MTG1: variants seen among roughly 807,000 people sequenced by gnomAD.
The protein encoded by MTG1 is mitochondrial ribosome-associated GTPase 1.
A neutral mutation model predicts 39.5 loss-of-function variants in MTG1; 30 were observed. That is an observed-to-expected ratio of 0.76 (90% CI 0.57 to 1.03). The LOEUF (loss-of-function observed/expected upper bound fraction) is 1.03. MTG1 is among the 50% of genes least tolerant of loss of function. The pLI, the probability that MTG1 is intolerant of heterozygous loss-of-function variation, is 0.00. For synonymous variants in MTG1, 217 were observed against 179.0 expected, an observed-to-expected ratio of 1.21 and a Z score of -1.69; for missense variants, 513 against 447.4, an observed-to-expected ratio of 1.15 and a Z score of -1.32.
rs1486101412 is a variant in MTG1 at position 133,416,562 on chromosome 10, C to G, written c.753-2918C>G. ...ATGCTATCCCTCCCCCCTCCCCCCA[C>G]CCCACAACAGTCCCAGGTGTGTGAT... On this transcript the variant is annotated intron_variant, in intron 9 of 10. Coordinates refer to ENST00000317502, the MANE Select transcript of MTG1 (RefSeq NM_138384.4). 7.0e-3 allele frequency among the ~76,000 whole-genome samples: 754 copies of G among 107,630 alleles called. 11 individuals are homozygous for G. The highest frequency in any genetic ancestry group is 0.028 in the Middle Eastern group (4 of 142). The allele number at this position is 107,630 out of a possible 152,430, so 70.6% of individuals were successfully genotyped here.
Position 133,402,591 on chromosome 10 carries a change from G to A in MTG1, c.671-101G>A. 1.8e-6 allele frequency: 2 copies of A among 1,090,422 alleles called. No homozygotes were observed. Among genetic ancestry groups the A allele is most frequent in the Non-Finnish European group, 2.7e-6 (2 of 747,922 alleles). 67.5% of individuals were successfully genotyped at this position (1,090,422 alleles called of 1,614,324 possible). On this transcript the variant is annotated intron_variant, in intron 8 of 10. Coordinates refer to ENST00000317502, the MANE Select transcript of MTG1 (RefSeq NM_138384.4). The surrounding 1 kb of genome is among the most constrained non-coding windows in gnomAD (Gnocchi z 4.7). Reference sequence around the variant, plus strand: ...GTCAGTGGCTGGCCTCTTCCTCACGGCACGGTGTCTTTGGGCTAGGACTGG... The same window carrying A: ...GTCAGTGGCTGGCCTCTTCCTCACGACACGGTGTCTTTGGGCTAGGACTGG...
chr10:133,416,388 AT>A lies in MTG1; in HGVS notation c.753-3087del, dbSNP rs998861897. On this transcript the variant is annotated intron_variant, in intron 9 of 10. Transcript: ENST00000317502. ...TTTTGGATGATATATATATATATAT[AT>A]TTTTCTTTTTATTTTATTTTATTAT... is the stretch of plus-strand genomic sequence containing the variant. Among the ~76,000 whole-genome samples the A allele has an allele frequency of 2.4e-4, 29 of 120,010 alleles. No homozygotes were observed. In the East Asian group the frequency reaches 7.7e-3, roughly 32 times the overall value. 78.7% of individuals were successfully genotyped at this position (120,010 alleles called of 152,430 possible).
chr10:133,408,799 A>T (rs1850005269), intron 9 of MTG1, among the ~76,000 whole-genome samples: 1 of 152,078 alleles, frequency 6.6e-6, no homozygotes, highest in African/African-American at 2.4e-5. Context: ...CCAGGAATTC[A>T]TCCCTTTCGT....
In MTG1 at chr10:133,394,732, A is replaced by G. The variant is rs192268944; in HGVS notation, c.112+400A>G. On this transcript the variant is annotated intron_variant, in intron 1 of 10. Coordinates refer to ENST00000317502, the MANE Select transcript of MTG1 (RefSeq NM_138384.4). ...TTGGGGACTAAATGAAACAGTGGGT[A>G]TGAAGGCACCTGTTCAGTTTTAACT... The G allele has an allele frequency of 1.4e-4, 142 of 1,021,240 alleles. No individual in the cohort carries two copies. The African/African-American group carries it at 2.3e-3, about 16-fold the overall frequency. The allele number at this position is 1,021,240 out of a possible 1,614,324, so 63.3% of individuals were successfully genotyped here.
At position 133,402,196 on chromosome 10, in the gene MTG1, G is replaced by C; in HGVS notation, c.621G>C (p.Leu207=). 1 of 1,614,142 alleles carries C rather than the reference G, an allele frequency of 6.2e-7. No homozygotes were observed. ...TCCTGTTGGACACTCCTGGCGTGCT[G>C]GCTCCTCGGATTGAAAGTGTGGAGA... ...LMFLLDTPGV[L]APRIESVETG... is the part of the protein sequence containing the mutation. The change falls in exon 8 of 11, where the codon CTG becomes CTC. Residue 207 remains leucine (L), a synonymous_variant. Transcript: ENST00000317502. The surrounding 1 kb of genome is among the most constrained non-coding windows in gnomAD (Gnocchi z 4.7).
At chr10:133,397,777 C>CTTTTTTTTTT (rs1487548120) in intron 3 of MTG1, among the ~76,000 whole-genome samples, 1 of 129,516 alleles carries the variant, frequency 7.7e-6, no homozygotes, top group African/African-American at 3.1e-5. Flanking sequence ...TGCGTCCAGC[C>CTTTTTTTTTT]TGTTTTTTTT....
intron 1 of MTG1, 148 bp downstream of exon 1, chr10:133,394,480 C>G (rs1849751077): frequency 1.5e-6 from 2 of 1,338,406 alleles, no homozygotes; most frequent in Non-Finnish European, 1.9e-6. Flanking sequence ...CTTCCCCGCT[C>G]TCACCCGCTC....
chr10:133,398,106 A>C (rs988536892), intron 3 of MTG1, among the ~76,000 whole-genome samples: 1 of 152,196 alleles, frequency 6.6e-6, no homozygotes, highest in Non-Finnish European at 1.5e-5. Flanking sequence ...TGGACAGCTA[A>C]ATAAAACCAG....
chr10:133,420,582 G>A lies in MTG1; in HGVS notation c.*417G>A, dbSNP rs1234528260. On this transcript the variant is annotated 3_prime_UTR_variant, in exon 11 of 11. Transcript: ENST00000317502. ...AGCTGCTCTCACCAGTGAAACCTAA[G>A]AAATGAGCAGGTTGGCAGCTAGGGT... The A allele has an allele frequency of 1.8e-5, 3 of 168,590 alleles. No individual in the cohort carries two copies. Among genetic ancestry groups the A allele is most frequent in the Non-Finnish European group, 3.8e-5 (3 of 79,470 alleles). The allele number at this position is 168,590 out of a possible 1,614,324, so 10.4% of individuals were successfully genotyped here. A position where few individuals can be genotyped will look rare whatever the true frequency, so the allele number is the denominator to read the frequency against.
rs946123520 is a variant in MTG1 at position 133,419,331 on chromosome 10, T to A, written c.753-149T>A. The A allele has an allele frequency of 6.6e-6, 4 of 605,184 alleles. No homozygotes were observed. In the Admixed American group the frequency reaches 1.1e-4, roughly 17 times the overall value. The allele number at this position is 605,184 out of a possible 1,614,324, so 37.5% of individuals were successfully genotyped here. On this transcript the variant is annotated intron_variant, in intron 9 of 10. Transcript: ENST00000317502. The stretch of plus-strand genomic sequence containing the variant: ...CCAGCACCGGTCACCTGCAGTCTCA[T>A]CTTGGTCATCCACAGCGCCGCAGTC...
At chr10:133,396,031 C>T in intron 2 of MTG1, 132 bp from the exon 3 acceptor site, 1 of 902,210 alleles carries the variant, frequency 1.1e-6, no homozygotes, top group South Asian at 1.5e-5. Context: ...TTAAATGTTC[C>T]TGCCAACTGG....
chr10:133,395,828 C>T (rs1849774033), intron 2 of MTG1, 51 bp downstream of exon 2: 1 of 1,568,286 alleles, frequency 6.4e-7, no homozygotes, highest in African/African-American at 1.4e-5. Context: ...TCATATTACA[C>T]ATTAGAATTA....
intron 1 of MTG1, chr10:133,394,922 C>A (rs1849758139): frequency 5.8e-6 from 1 of 172,012 alleles, no homozygotes; most frequent in Admixed American, 6.5e-5. Flanking sequence ...GAAGAAGGGC[C>A]CGTGTGGGTG....
At chr10:133,412,141 C>T (rs1850056579) in intron 9 of MTG1, among the ~76,000 whole-genome samples, 1 of 151,798 alleles carries the variant, frequency 6.6e-6, no homozygotes, top group Admixed American at 6.6e-5. Flanking sequence ...CTTCTCTGGT[C>T]TCATCCTCAG....
chr10:133,410,455 G>A (rs1850029057), intron 9 of MTG1, among the ~76,000 whole-genome samples: 1 of 152,162 alleles, frequency 6.6e-6, no homozygotes, highest in African/African-American at 2.4e-5. Context: ...TTTTCTGATT[G>A]TAACTCCTCT....
intron 9 of MTG1, among the ~76,000 whole-genome samples, chr10:133,413,745 T>G (rs2133511428): frequency 6.6e-6 from 1 of 152,320 alleles, no homozygotes; most frequent in South Asian, 2.1e-4. Context: ...CTGATTCTTG[T>G]GCCATCATCA....
rs4838743 is a variant in MTG1, at chr10:133,410,738, C to T, written c.752+7965C>T. Among the ~76,000 whole-genome samples the T allele has an allele frequency of 4.0e-3, 613 of 152,350 alleles. 6 individuals carry two copies. The highest frequency in any genetic ancestry group is 0.023 in the Admixed American group (350 of 15,306). On this transcript the variant is annotated intron_variant, in intron 9 of 10. Transcript: ENST00000317502. ...AGTGAGCTATGATCGTGCCATCGCA[C>T]TTCAGCCTGGGTGACAGAGTGAGAC... is the stretch of plus-strand genomic sequence containing the variant.
chr10:133,401,970 G>A (rs1849884731), intron 7 of MTG1, 179 bp from the exon 8 acceptor site: 1 of 641,286 alleles, frequency 1.6e-6, no homozygotes. Context: ...TCCAAATTAA[G>A]TGGGAATTAG....
chr10:133,419,614 G>A, intron 10 of MTG1, 22 bp downstream of exon 10: 1 of 1,565,538 alleles, frequency 6.4e-7, no homozygotes, highest in Non-Finnish European at 8.7e-7. Flanking sequence ...CGCTGATGCG[G>A]GCACCGGAGC....
Sources: gnomAD v4.1 joint callset for allele counts (sites outside exome capture counted in the v4.1 genomes callset) on GRCh38, gnomAD v4.1.1 for gene constraint, Gnocchi (gnomAD v3.1) non-coding constraint, MANE v1.5 for transcripts, NCBI Gene and HGNC (gene_info 2026-07-23, HGNC 2026-07-21) for gene names.